SLC35F4: variants seen among roughly 807,000 people sequenced by gnomAD.
SLC35F4 encodes solute carrier family 35 member F4, also known as chromosome 14 open reading frame 36.
Under a neutral mutation model 44.2 loss-of-function variants are expected in SLC35F4, and 24 were observed. The ratio of observed to expected loss-of-function variants is 0.54; its 90% CI spans 0.39 to 0.76. The LOEUF is 0.76. Ranked by LOEUF, SLC35F4 falls within the 30% of genes least tolerant of loss-of-function variation. The pLI, the probability that SLC35F4 is intolerant of heterozygous loss-of-function variation, is 0.00. For synonymous variants in SLC35F4, 238 were observed against 223.6 expected (o/e 1.06, Z -0.57); for missense variants, 562 against 586.1 (o/e 0.96, Z 0.42).
chr14:57,694,428 G>C (rs1183732124), intron 1 of SLC35F4, among the ~76,000 whole-genome samples: 1 of 152,020 alleles, frequency 6.6e-6, no homozygotes, highest in Non-Finnish European at 1.5e-5. Flanking sequence ...TTTACATAAT[G>C]TTTGTGAGAC....
intron 1 of SLC35F4, among the ~76,000 whole-genome samples, chr14:57,830,442 G>A (rs1884247861): frequency 6.6e-6 from 1 of 152,118 alleles, no homozygotes; most frequent in Non-Finnish European, 1.5e-5. Flanking sequence ...TACAGTCTAA[G>A]AGTAACTTAG....
chr14:57,615,622 A>G, intron 1 of SLC35F4, among the ~76,000 whole-genome samples: 1 of 151,758 alleles, frequency 6.6e-6, no homozygotes, highest in African/African-American at 2.4e-5. Flanking sequence ...ATTTTCTTTG[A>G]AAAAAAATAC....
At chr14:57,598,618 G>A (rs1269318775) in intron 1 of SLC35F4, among the ~76,000 whole-genome samples, 1 of 152,206 alleles carries the variant, frequency 6.6e-6, no homozygotes, top group Non-Finnish European at 1.5e-5. Context: ...ATGCGAACAA[G>A]TGCAAGATGA....
chr14:57,881,805 A>G (rs1314771582), intron 1 of SLC35F4, among the ~76,000 whole-genome samples: 1 of 152,098 alleles, frequency 6.6e-6, no homozygotes, highest in East Asian at 1.9e-4. Context: ...AGTCTATTTA[A>G]CCCAATCTGG....
intron 1 of SLC35F4, among the ~76,000 whole-genome samples, chr14:57,888,205 T>A (rs189740857): frequency 1.1e-4 from 17 of 152,222 alleles, no homozygotes; most frequent in Non-Finnish European, 5.9e-5. Context: ...TCAGACCAAC[T>A]ACTAAGAAAC....
chr14:57,704,618 G>A (rs557122895), intron 1 of SLC35F4, among the ~76,000 whole-genome samples: 1 of 152,238 alleles, frequency 6.6e-6, no homozygotes, highest in African/African-American at 2.4e-5. Context: ...GGGAGACAAG[G>A]AAGAGTGGAT....
chr14:57,887,556 C>T lies in SLC35F4; in HGVS notation n.282+94357G>A, dbSNP rs148234754. 1.5e-4 allele frequency among the ~76,000 whole-genome samples: 23 copies of T among 152,278 alleles called. No homozygotes were observed. The South Asian group carries it at 2.5e-3, about 16-fold the overall frequency. On this transcript the variant is annotated intron_variant and non_coding_transcript_variant, in intron 1 of 1. Transcript: ENST00000556568. ...GAGCAACCTTCCTTTGAGTGACGAACGTGACCTGCAGAGGTGTCACTTTGA... is the reference window on the plus strand; with the variant it reads ...GAGCAACCTTCCTTTGAGTGACGAATGTGACCTGCAGAGGTGTCACTTTGA...
At chr14:57,668,675 G>C (rs1216143348) in intron 1 of SLC35F4, among the ~76,000 whole-genome samples, 1 of 152,056 alleles carries the variant, frequency 6.6e-6, no homozygotes, top group Admixed American at 6.5e-5. Context: ...GCTCTGTTCT[G>C]TTCCATTGGC....
intron 1 of SLC35F4, among the ~76,000 whole-genome samples, chr14:57,774,825 T>C (rs1025233360): frequency 3.9e-5 from 6 of 152,228 alleles, no homozygotes; most frequent in Admixed American, 6.5e-5. Context: ...ACATCCTGCA[T>C]TGCTTTGAAG....
At chr14:57,733,327 T>C (rs76462108) in intron 1 of SLC35F4, among the ~76,000 whole-genome samples, 6,025 of 140,564 alleles carry the variant, frequency 0.043, 144 homozygotes, top group South Asian at 0.085. Flanking sequence ...TTTTTAAAGA[T>C]ACATGTCTGC....
intron 1 of SLC35F4, among the ~76,000 whole-genome samples, chr14:57,847,192 C>G (rs1453998586): frequency 1.3e-5 from 2 of 152,156 alleles, no homozygotes. Flanking sequence ...TGCCCTAGAC[C>G]CTTGTTCATA....
chr14:57,786,262 G>C (rs959899068), intron 1 of SLC35F4, among the ~76,000 whole-genome samples: 2 of 152,162 alleles, frequency 1.3e-5, no homozygotes, highest in Non-Finnish European at 2.9e-5. Context: ...GCTGCAGCAA[G>C]ATCCGCCCAA....
intron 1 of SLC35F4, among the ~76,000 whole-genome samples, chr14:57,681,213 C>T (rs2074892379): frequency 2.0e-5 from 3 of 151,950 alleles, no homozygotes; most frequent in South Asian, 4.1e-4. Context: ...TCAGAAGTAA[C>T]ACCACACATC....
chr14:57,741,416 C>A (rs1200600865), intron 1 of SLC35F4, among the ~76,000 whole-genome samples: 1 of 152,100 alleles, frequency 6.6e-6, no homozygotes, highest in Non-Finnish European at 1.5e-5. Context: ...GAGCTGAAAA[C>A]CATGGCACGA....
At chr14:57,862,551 A>C (rs1887771187) in intron 1 of SLC35F4, among the ~76,000 whole-genome samples, 1 of 152,174 alleles carries the variant, frequency 6.6e-6, no homozygotes, top group Admixed American at 6.5e-5. Context: ...ACTCCACTTC[A>C]GCCATACAGG....
chr14:57,676,953 C>T (rs769497307), intron 1 of SLC35F4, among the ~76,000 whole-genome samples: 25 of 152,090 alleles, frequency 1.6e-4, no homozygotes, highest in Non-Finnish European at 3.5e-4. Context: ...GAAAAAGACA[C>T]TTGCACACAC....
intron 1 of SLC35F4, among the ~76,000 whole-genome samples, chr14:57,829,223 A>C (rs1884094807): frequency 6.6e-6 from 1 of 152,122 alleles, no homozygotes; most frequent in Non-Finnish European, 1.5e-5. Context: ...CAGATCTTGA[A>C]ATGTAGTTAG....
chr14:57,718,965 T>G (rs2076011474), intron 1 of SLC35F4, among the ~76,000 whole-genome samples: 1 of 152,204 alleles, frequency 6.6e-6, no homozygotes, highest in Admixed American at 6.5e-5. Flanking sequence ...ATTTCATAGT[T>G]TAAGGACTTA....
At chr14:57,681,320 T>C (rs536299335) in intron 1 of SLC35F4, among the ~76,000 whole-genome samples, 1 of 152,248 alleles carries the variant, frequency 6.6e-6, no homozygotes, top group South Asian at 2.1e-4. Context: ...GCTAGCCATA[T>C]GCAGAAAGCT....
Sources: allele counts gnomAD v4.1 joint callset (sites outside exome capture counted in the v4.1 genomes callset), GRCh38; gene constraint gnomAD v4.1.1; transcripts MANE v1.5; gene names NCBI Gene and HGNC (gene_info 2026-07-23, HGNC 2026-07-21).